PXDNL: variants seen among roughly 807,000 people sequenced by gnomAD.
The protein encoded by PXDNL is peroxidasin like.
A neutral mutation model predicts 150.8 loss-of-function variants in PXDNL; 145 were observed. The ratio of observed to expected loss-of-function variants is 0.96; its 90% confidence interval spans 0.84 to 1.10. PXDNL has a LOEUF of 1.10. Among genes scored for constraint, PXDNL ranks in the 50% least tolerant of loss-of-function variants. PXDNL has a pLI of 0.00. For synonymous variants in PXDNL, 757 were observed against 725.7 expected (o/e 1.04, Z -0.69); for missense variants, 2,087 against 1,873.9 (o/e 1.11, Z -2.10).
Position 51,705,830 on chromosome 8 carries a change from TGTGC to T in PXDNL, c.165-51074_165-51071del, listed in dbSNP as rs1449684895. 3.3e-4 allele frequency among the ~76,000 whole-genome samples: 19 copies of T among 57,688 alleles called. 1 individual carries two copies. The South Asian group carries it at 3.7e-3, about 11-fold the overall frequency. The allele number at this position is 57,688 out of a possible 152,430, so 37.8% of individuals were successfully genotyped here. A position where few individuals can be genotyped will look rare whatever the true frequency, so the allele number is the denominator to read the frequency against. On this transcript the variant is annotated intron_variant, in intron 1 of 22. Transcript: ENST00000356297. ...CACTGTGTGTGTGTGTGTGTGTGTG[TGTGC>T]GCGCGCGCGCGCGCGCGCGTGCATG...
chr8:51,540,410 A>C (rs1421189983), intron 4 of PXDNL, among the ~76,000 whole-genome samples: 1 of 152,164 alleles, frequency 6.6e-6, no homozygotes, highest in Non-Finnish European at 1.5e-5. Flanking sequence ...ATATATCCCC[A>C]AAATTTCTGA....
At chr8:51,709,869 TTATC>T (rs1816459864) in intron 1 of PXDNL, among the ~76,000 whole-genome samples, 1 of 152,218 alleles carries the variant, frequency 6.6e-6, no homozygotes, top group Admixed American at 6.5e-5. Context: ...GTTTTGCACA[TTATC>T]TATGTGAAAT....
intron 17 of PXDNL, among the ~76,000 whole-genome samples, chr8:51,399,739 T>C (rs1328949372): frequency 6.6e-6 from 1 of 152,200 alleles, no homozygotes; most frequent in African/African-American, 2.4e-5. Context: ...TTTTGATACA[T>C]GATGTTAACT....
chr8:51,611,356 A>C (rs1025034401), intron 2 of PXDNL, among the ~76,000 whole-genome samples: 1 of 152,174 alleles, frequency 6.6e-6, no homozygotes, highest in Non-Finnish European at 1.5e-5. Context: ...AACTGGATTT[A>C]TTGTTGGTTA....
chr8:51,383,776 A>G (rs1807616546), intron 17 of PXDNL, among the ~76,000 whole-genome samples: 1 of 152,228 alleles, frequency 6.6e-6, no homozygotes, highest in African/African-American at 2.4e-5. Context: ...CTTGAAATGA[A>G]CTATTTCTTG....
intron 4 of PXDNL, among the ~76,000 whole-genome samples, chr8:51,534,212 C>T (rs1197144344): frequency 7.2e-6 from 1 of 138,028 alleles, no homozygotes; most frequent in Non-Finnish European, 1.5e-5. Context: ...TCTGCCCGGC[C>T]GCCCCGTCTG....
intron 14 of PXDNL, among the ~76,000 whole-genome samples, chr8:51,416,148 T>C (rs1586089019): frequency 6.6e-6 from 1 of 152,344 alleles, no homozygotes; most frequent in South Asian, 2.1e-4. Flanking sequence ...TGCTTCTGTT[T>C]GTGACAAGTA....
At chr8:51,499,659 T>C in intron 5 of PXDNL, 40 bp downstream of exon 5, 4 of 1,489,306 alleles carry the variant, frequency 2.7e-6, no homozygotes, top group Admixed American at 1.7e-5. Context: ...ATGGAAAATG[T>C]AAAGCAGAAG....
At chr8:51,711,319 G>T (rs946700635) in intron 1 of PXDNL, among the ~76,000 whole-genome samples, 1 of 152,084 alleles carries the variant, frequency 6.6e-6, no homozygotes, top group Non-Finnish European at 1.5e-5. Flanking sequence ...TGTATTTTCA[G>T]TAGAGATAGG....
In PXDNL at chr8:51,681,030, A is replaced by G. The variant is rs368175547; in HGVS notation, c.165-26270T>C. ...ACACATGTGGTTTTTCGTGCAGAAGAGAGAGCTAACTGTCACCCCCAGAGC... is the reference window on the plus strand; with the variant it reads ...ACACATGTGGTTTTTCGTGCAGAAGGGAGAGCTAACTGTCACCCCCAGAGC... On this transcript the variant is annotated intron_variant, in intron 1 of 22. Transcript: ENST00000356297. Among the ~76,000 whole-genome samples, 3 of 152,218 alleles carry G rather than the reference A, an allele frequency of 2.0e-5. No homozygotes were observed. In the East Asian group the frequency reaches 5.8e-4, roughly 29 times the overall value.
At chr8:51,632,137 T>TG (rs756976252) in intron 2 of PXDNL, among the ~76,000 whole-genome samples, 3 of 151,780 alleles carry the variant, frequency 2.0e-5, no homozygotes, top group Non-Finnish European at 2.9e-5. Flanking sequence ...CCAAATTATA[T>TG]GAAGAAAAAA....
At chr8:51,552,371 C>T (rs1437604069) in intron 4 of PXDNL, among the ~76,000 whole-genome samples, 1 of 152,166 alleles carries the variant, frequency 6.6e-6, no homozygotes, top group Non-Finnish European at 1.5e-5. Flanking sequence ...AAAACAGACA[C>T]ATGCACAACT....
intron 8 of PXDNL, among the ~76,000 whole-genome samples, chr8:51,470,152 C>T (rs1208633667): frequency 3.3e-5 from 5 of 151,894 alleles, no homozygotes; most frequent in East Asian, 1.9e-4. Context: ...TTACAAGCAG[C>T]GATTTCTGTT....
At chr8:51,462,659 C>A (rs1810109155) in intron 8 of PXDNL, among the ~76,000 whole-genome samples, 1 of 151,928 alleles carries the variant, frequency 6.6e-6, no homozygotes, top group Non-Finnish European at 1.5e-5. Context: ...CATAAGGAGA[C>A]CAAACCTACA....
At chr8:51,363,398 C>T (rs756537890) in intron 19 of PXDNL, among the ~76,000 whole-genome samples, 7 of 152,244 alleles carry the variant, frequency 4.6e-5, no homozygotes, top group South Asian at 4.2e-4. Flanking sequence ...GCAAGACTCA[C>T]GTCTGAAAAA....
intron 3 of PXDNL, among the ~76,000 whole-genome samples, chr8:51,577,617 C>T (rs1027709495): frequency 7.0e-6 from 1 of 142,766 alleles, no homozygotes; most frequent in African/African-American, 2.7e-5. Flanking sequence ...TATAATCAGG[C>T]TAAAAAAGAA....
At chr8:51,409,876 G>T (rs966878341) in intron 16 of PXDNL, among the ~76,000 whole-genome samples, 1 of 151,974 alleles carries the variant, frequency 6.6e-6, no homozygotes, top group Non-Finnish European at 1.5e-5. Context: ...CAGAAGACCC[G>T]GGATTACTTT....
intron 6 of PXDNL, among the ~76,000 whole-genome samples, chr8:51,482,677 A>T (rs1810630385): frequency 6.6e-6 from 1 of 152,186 alleles, no homozygotes; most frequent in African/African-American, 2.4e-5. Context: ...AATAAGTCTC[A>T]TGAGATCTGA....
chr8:51,777,600 A>C (rs949764371), intron 1 of PXDNL, among the ~76,000 whole-genome samples: 1 of 152,202 alleles, frequency 6.6e-6, no homozygotes, highest in South Asian at 2.1e-4. Flanking sequence ...ACTGGATGTC[A>C]TAAGTTATTC....
Sources: gnomAD v4.1 joint callset for allele counts (sites outside exome capture counted in the v4.1 genomes callset) on GRCh38, gnomAD v4.1.1 for gene constraint, MANE v1.5 for transcripts, NCBI Gene and HGNC (gene_info 2026-07-23, HGNC 2026-07-21) for gene names.